The following SYTL3 variants were observed in gnomAD, a reference collection of about 807,000 sequenced individuals.
SYTL3 encodes synaptotagmin like 3.
A neutral mutation model predicts 82.1 loss-of-function variants in SYTL3; 88 were observed. The observed-to-expected ratio is 1.07, with a 90% confidence interval of 0.90 to 1.28. The LOEUF is 1.28. SYTL3 is among the 50% of genes most tolerant of loss of function. SYTL3 has a pLI of 0.00. For synonymous variants in SYTL3, 311 were observed against 289.4 expected (o/e 1.07, Z -0.76); for missense variants, 831 against 757.6 (o/e 1.10, Z -1.14).
intron 6 of SYTL3, among the ~76,000 whole-genome samples, chr6:158,702,547 CAA>C (rs1781437628): frequency 6.6e-6 from 1 of 150,644 alleles, no homozygotes; most frequent in African/African-American, 2.5e-5. Context: ...GTCTCAAAAA[CAA>C]GAGGGGGGGA....
intron 11 of SYTL3, among the ~76,000 whole-genome samples, chr6:158,739,351 T>G (rs1212232837): frequency 6.6e-6 from 1 of 152,182 alleles, no homozygotes; most frequent in Non-Finnish European, 1.5e-5. Flanking sequence ...CATTAAGATT[T>G]TCTCTTTGTC....
rs942836084 is a variant in SYTL3, at chr6:158,704,666, G to A, written c.395-2564G>A. On this transcript the variant is annotated intron_variant, in intron 6 of 17. Coordinates refer to ENST00000611299, the MANE Select transcript of SYTL3 (RefSeq NM_001242394.2). ...GTGACCCCGCAGGGTGGGGCACCCC[G>A]GAAGCCACGTGGGCCTGGACTTCAG... Among the ~76,000 whole-genome samples the A allele has an allele frequency of 7.2e-5, 11 of 152,260 alleles. No individual in the cohort carries two copies. In the East Asian group the frequency reaches 7.7e-4, roughly 11 times the overall value.
chr6:158,684,114 A>G (rs1361890676), intron 6 of SYTL3, among the ~76,000 whole-genome samples: 5 of 152,198 alleles, frequency 3.3e-5, no homozygotes, highest in South Asian at 4.1e-4. Flanking sequence ...TAATTTATTC[A>G]TGATTCATGA....
intron 11 of SYTL3, among the ~76,000 whole-genome samples, chr6:158,739,161 T>C (rs1474775872): frequency 6.6e-6 from 1 of 152,246 alleles, no homozygotes; most frequent in African/African-American, 2.4e-5. Flanking sequence ...TTTTGTAGTA[T>C]GTAACCTGTT....
In SYTL3 at chr6:158,718,193, G is replaced by A. The variant is rs572096258; in HGVS notation, c.702G>A (p.Ala234=). The part of the protein sequence containing the change: ...QTERRSQSDT[A]VNVTTRKVSA... ...AGAGACGGAGCCAGTCTGACACTGC[G>A]GTCAACGTCACCACCAGGGTACCCT... is the stretch of plus-strand genomic sequence containing the variant. The change falls in exon 10 of 18, where the codon GCG becomes GCA. Residue 234 remains alanine (A), a synonymous_variant. Transcript: ENST00000611299. 5.7e-5 allele frequency: 87 copies of A among 1,538,346 alleles called. No individual in the cohort carries two copies. The Admixed American group carries it at 6.0e-4, about 11-fold the overall frequency.
At chr6:158,654,392 T>C (rs948132851) in intron 2 of SYTL3, among the ~76,000 whole-genome samples, 1 of 152,224 alleles carries the variant, frequency 6.6e-6, no homozygotes, top group African/African-American at 2.4e-5. Flanking sequence ...ACACACTCAA[T>C]GCCGTAACCA....
Position 158,707,251 on chromosome 6 carries a change from G to A in SYTL3, c.416G>A (p.Gly139Glu). Residue 139 changes from glycine to glutamate, a missense_variant, in exon 7 of 18, where the codon GGG (glycine) becomes GAG (glutamate). By Grantham distance (98) the Gly-to-Glu change is moderately conservative. Coordinates refer to ENST00000611299, the MANE Select transcript of SYTL3 (RefSeq NM_001242394.2). ...PTGGKHETVG[G>E]QLLQSYQKLS... ...GCAGGCAAACATGAGACAGTTGGAGGGCAGCTCTTGCAATCTTATCAGAAG... is the reference window on the plus strand; with the variant it reads ...GCAGGCAAACATGAGACAGTTGGAGAGCAGCTCTTGCAATCTTATCAGAAG... 10 of 1,613,918 alleles carry A rather than the reference G, an allele frequency of 6.2e-6. No homozygotes were observed. Among genetic ancestry groups the A allele is most frequent in the Non-Finnish European group, 8.5e-6 (10 of 1,180,032 alleles).
Position 158,763,384 on chromosome 6 carries a change from A to G in SYTL3, c.1598A>G (p.His533Arg). 1 of 1,614,126 alleles carries G rather than the reference A, an allele frequency of 6.2e-7. No homozygotes were observed. The highest frequency in any genetic ancestry group is 8.5e-7 in the Non-Finnish European group (1 of 1,180,030). The change falls in exon 17 of 18, where the codon CAC becomes CGC. Residue 533 changes from histidine to arginine, a missense_variant. Transcript: ENST00000611299. Reference protein sequence around the residue: ...LRKQACPQWKHSFVFSGVTPA... With the variant: ...LRKQACPQWKRSFVFSGVTPA... ...AAGCAGGCTTGCCCCCAGTGGAAAC[A>G]CTCATTTGTCTTCAGTGGCGTAACC... is the stretch of plus-strand genomic sequence containing the variant.
intron 8 of SYTL3, among the ~76,000 whole-genome samples, chr6:158,712,521 AG>A (rs1782869446): frequency 6.6e-6 from 1 of 152,186 alleles, no homozygotes; most frequent in Non-Finnish European, 1.5e-5. Context: ...ACAAAGTAAT[AG>A]GTCCCCCTAA....
Position 158,757,869 on chromosome 6 carries a change from C to T in SYTL3, c.1308+488C>T, listed in dbSNP as rs147096249. On this transcript the variant is annotated intron_variant, in intron 14 of 17. Coordinates refer to ENST00000611299, the MANE Select transcript of SYTL3 (RefSeq NM_001242394.2). ...CCGATGCTGTGAGGAAGGCAGAGGC[C>T]GCCCTGGCTAGGATGTGGGGCTCCA... is the stretch of plus-strand genomic sequence containing the variant. Among the ~76,000 whole-genome samples the T allele has an allele frequency of 1.7e-3, 252 of 152,292 alleles. 1 individual carries two copies. The highest frequency in any genetic ancestry group is 2.7e-3 in the Non-Finnish European group (182 of 68,024).
At chr6:158,714,841 T>G (rs1329608167) in intron 9 of SYTL3, among the ~76,000 whole-genome samples, 1 of 152,226 alleles carries the variant, frequency 6.6e-6, no homozygotes. Context: ...GTGACTTTAA[T>G]TAGTTGTCCG....
chr6:158,729,415 A>G (rs1785122161), intron 11 of SYTL3, among the ~76,000 whole-genome samples: 2 of 152,130 alleles, frequency 1.3e-5, no homozygotes, highest in African/African-American at 4.8e-5. Flanking sequence ...CCCATTCACT[A>G]GAGCCCCACC....
At chr6:158,725,230 G>A (rs897606556) in intron 10 of SYTL3, among the ~76,000 whole-genome samples, 6 of 152,146 alleles carry the variant, frequency 3.9e-5, no homozygotes, top group Admixed American at 6.5e-5. Context: ...TAATCCACGA[G>A]TAATCTACCC....
rs1782580995 is a variant in SYTL3 at position 158,710,005 on chromosome 6, A to C, written c.516+1614A>C. Among the ~76,000 whole-genome samples, 3 of 152,238 alleles carry C rather than the reference A, an allele frequency of 2.0e-5. No individual in the cohort carries two copies. The South Asian group carries it at 6.2e-4, about 31-fold the overall frequency. Reference sequence around the variant, plus strand: ...AGCCATGATTGCGCCAATGCGTTCCAGCCTGGGCAACAGAGCGCGACTGTC... The same window carrying C: ...AGCCATGATTGCGCCAATGCGTTCCCGCCTGGGCAACAGAGCGCGACTGTC... On this transcript the variant is annotated intron_variant, in intron 8 of 17. Coordinates refer to ENST00000611299, the MANE Select transcript of SYTL3 (RefSeq NM_001242394.2).
chr6:158,667,702 G>A (rs1398941160), intron 5 of SYTL3, among the ~76,000 whole-genome samples: 2 of 152,202 alleles, frequency 1.3e-5, no homozygotes, highest in African/African-American at 4.8e-5. Flanking sequence ...AACAAGATGA[G>A]GAAAATTGGT....
chr6:158,736,358 A>G (rs1786164758), intron 11 of SYTL3, among the ~76,000 whole-genome samples: 1 of 152,140 alleles, frequency 6.6e-6, no homozygotes, highest in Non-Finnish European at 1.5e-5. Context: ...TCTCAAAAAA[A>G]GAAAAACTGT....
chr6:158,756,719 ATTTTTTTTTTTT>A (rs758259824), intron 13 of SYTL3, among the ~76,000 whole-genome samples: 1 of 48,566 alleles, frequency 2.1e-5, no homozygotes, highest in African/African-American at 9.4e-5. Flanking sequence ...TCAAAAAAAA[ATTTTTTTTTTTT>A]TTTTTTTTTT....
At chr6:158,656,188 TCTC>T (rs1327545239) in intron 2 of SYTL3, among the ~76,000 whole-genome samples, 2 of 152,102 alleles carry the variant, frequency 1.3e-5, no homozygotes, top group Admixed American at 6.6e-5. Context: ...AGAGATGCCT[TCTC>T]CTCCTTTCCA....
At chr6:158,714,631 G>T (rs147641447) in intron 9 of SYTL3, among the ~76,000 whole-genome samples, 3 of 152,286 alleles carry the variant, frequency 2.0e-5, no homozygotes, top group Admixed American at 1.3e-4. Flanking sequence ...AAGTCCCAGA[G>T]GACAGACTCC....
Sources: allele counts gnomAD v4.1 joint callset (sites outside exome capture counted in the v4.1 genomes callset), GRCh38; gene constraint gnomAD v4.1.1; transcripts MANE v1.5; gene names NCBI Gene and HGNC (gene_info 2026-07-23, HGNC 2026-07-21).